NPFFR2: variants seen among roughly 807,000 people sequenced by gnomAD.
The protein encoded by NPFFR2 is neuropeptide FF receptor 2.
Under a neutral mutation model 13.1 loss-of-function variants are expected in NPFFR2, and 15 were observed. The observed-to-expected ratio is 1.15, with a 90% CI of 0.77 to 1.76. The LOEUF (loss-of-function observed/expected upper bound fraction) is 1.76. Among genes scored for constraint, NPFFR2 ranks in the 40% most tolerant of loss-of-function variants. The probability of loss-of-function intolerance (pLI) is 0.00; values close to 1 mark genes in which losing one functional copy is unlikely to be tolerated. For synonymous variants in NPFFR2, 190 were observed against 175.7 expected, an observed-to-expected ratio of 1.08 and a Z score of -0.65; for missense variants, 572 against 503.5, an observed-to-expected ratio of 1.14 and a Z score of -1.30.
At chr4:72,113,910 C>A (rs927993239) in intron 1 of NPFFR2, among the ~76,000 whole-genome samples, 4 of 152,052 alleles carry the variant, frequency 2.6e-5, no homozygotes, top group African/African-American at 7.2e-5. Flanking sequence ...GTTTAAGGGA[C>A]ATTTTCCAGG....
chr4:72,036,936 C>T (rs1417276869), intron 1 of NPFFR2, among the ~76,000 whole-genome samples: 2 of 152,074 alleles, frequency 1.3e-5, no homozygotes, highest in African/African-American at 2.4e-5. Flanking sequence ...GGAGAGTTTG[C>T]GACTTATAAA....
chr4:72,122,488 C>T (rs555624761), intron 1 of NPFFR2, among the ~76,000 whole-genome samples: 36 of 152,248 alleles, frequency 2.4e-4, no homozygotes, highest in African/African-American at 7.2e-4. Context: ...CTAAAATTGA[C>T]CACATAATTG....
intron 1 of NPFFR2, among the ~76,000 whole-genome samples, chr4:72,083,760 A>C (rs1720693684): frequency 6.6e-6 from 1 of 152,000 alleles, no homozygotes; most frequent in Non-Finnish European, 1.5e-5. Context: ...ATTATCTTCT[A>C]TCTCTCCTCT....
chr4:72,105,321 A>G (rs995998585), intron 1 of NPFFR2, among the ~76,000 whole-genome samples: 18 of 152,146 alleles, frequency 1.2e-4, no homozygotes, highest in African/African-American at 3.9e-4. Context: ...TACAAAGGAA[A>G]TAACCTATTT....
intron 1 of NPFFR2, among the ~76,000 whole-genome samples, chr4:72,109,358 T>A (rs748463608): frequency 2.0e-5 from 3 of 152,048 alleles, no homozygotes; most frequent in Non-Finnish European, 4.4e-5. Flanking sequence ...TTCTCATACC[T>A]CATATGAGTG....
intron 1 of NPFFR2, among the ~76,000 whole-genome samples, chr4:72,072,077 A>C (rs964630007): frequency 2.6e-5 from 4 of 152,244 alleles, no homozygotes; most frequent in South Asian, 2.1e-4. Context: ...AACAACAACA[A>C]AAAAAGCAGC....
At chr4:72,137,760 C>G (rs76951148) in intron 2 of NPFFR2, among the ~76,000 whole-genome samples, 4,875 of 152,148 alleles carry the variant, frequency 0.032, 118 homozygotes, top group Non-Finnish European at 0.048. Flanking sequence ...AATAACAAAG[C>G]CTTCAAAAGC....
intron 1 of NPFFR2, among the ~76,000 whole-genome samples, chr4:72,049,224 G>A (rs1314297896): frequency 6.6e-6 from 1 of 152,014 alleles, no homozygotes; most frequent in Admixed American, 6.6e-5. Context: ...TTATTATTTG[G>A]AAACAGAAAC....
chr4:72,080,141 G>T (rs77752329), intron 1 of NPFFR2, among the ~76,000 whole-genome samples: 11,123 of 30,616 alleles, frequency 0.36, 1,016 homozygotes, highest in East Asian at 0.65. Context: ...CCTGTTTTTT[G>T]TTGTTGTTGT....
At chr4:72,068,686 C>T (rs549473448) in intron 1 of NPFFR2, among the ~76,000 whole-genome samples, 1 of 152,022 alleles carries the variant, frequency 6.6e-6, no homozygotes, top group African/African-American at 2.4e-5. Context: ...ATGAACAAAG[C>T]AGAAAAATTA....
At chr4:72,068,888 T>G (rs1455698656) in intron 1 of NPFFR2, 3 of 690,578 alleles carry the variant, frequency 4.3e-6, no homozygotes, top group Non-Finnish European at 4.6e-6. Context: ...TCTAGACACA[T>G]ATGGTTTGAT....
chr4:72,067,784 A>C (rs997098895), intron 1 of NPFFR2, among the ~76,000 whole-genome samples: 3 of 152,146 alleles, frequency 2.0e-5, no homozygotes, highest in Admixed American at 1.3e-4. Flanking sequence ...TGTTCAGACA[A>C]ATTATTTTTC....
intron 1 of NPFFR2, chr4:72,068,950 T>C: frequency 1.4e-6 from 2 of 1,426,272 alleles, no homozygotes; most frequent in Non-Finnish European, 1.9e-6. Context: ...TAATTATAGC[T>C]TTTGACATAC....
At chr4:72,127,388 G>A (rs563550178) in intron 1 of NPFFR2, among the ~76,000 whole-genome samples, 8 of 99,666 alleles carry the variant, frequency 8.0e-5, no homozygotes, top group Non-Finnish European at 3.8e-5. Context: ...TTTTGAGACG[G>A]AGTCTCGCTC....
rs138453229 is a variant in NPFFR2 at position 72,054,323 on chromosome 4, G to A, written c.-8+22123G>A. ...GAACACAATCACCAGTACAGAAATA[G>A]ACCCACACTTATGTGGCCAATTTAT... is the stretch of plus-strand genomic sequence containing the variant. On this transcript the variant is annotated intron_variant, in intron 1 of 3. Transcript: ENST00000308744. Among the ~76,000 whole-genome samples, 268 of 151,870 alleles carry A rather than the reference G, an allele frequency of 1.8e-3. 1 individual carries two copies. Among genetic ancestry groups the A allele is most frequent in the Middle Eastern group, 6.8e-3 (2 of 294 alleles).
At chr4:72,052,784 T>G (rs1719627127) in intron 1 of NPFFR2, among the ~76,000 whole-genome samples, 1 of 152,020 alleles carries the variant, frequency 6.6e-6, no homozygotes, top group African/African-American at 2.4e-5. Flanking sequence ...CAATCTATTC[T>G]CTTTGAAGCC....
chr4:72,121,714 C>G (rs1721886693), intron 1 of NPFFR2, among the ~76,000 whole-genome samples: 1 of 152,154 alleles, frequency 6.6e-6, no homozygotes, highest in Non-Finnish European at 1.5e-5. Flanking sequence ...GAGATTTTGT[C>G]ACCACCAGGC....
intron 1 of NPFFR2, among the ~76,000 whole-genome samples, chr4:72,046,110 G>A (rs1719373963): frequency 6.6e-6 from 1 of 152,122 alleles, no homozygotes; most frequent in African/African-American, 2.4e-5. Context: ...AAAAATAGCT[G>A]CCATGACTTG....
chr4:72,119,974 G>T (rs527356250), intron 1 of NPFFR2, among the ~76,000 whole-genome samples: 1 of 152,226 alleles, frequency 6.6e-6, no homozygotes, highest in African/African-American at 2.4e-5. Context: ...AGGGAGCCAA[G>T]TGGTCTGGCT....
Sources: gnomAD v4.1 joint callset for allele counts (sites outside exome capture counted in the v4.1 genomes callset) on GRCh38, gnomAD v4.1.1 for gene constraint, MANE v1.5 for transcripts, NCBI Gene and HGNC (gene_info 2026-07-23, HGNC 2026-07-21) for gene names.